MYRIP: variants seen among roughly 807,000 people sequenced by gnomAD.
MYRIP encodes the protein rab effector MyRIP.
A neutral mutation model predicts 98.0 loss-of-function variants in MYRIP; 49 were observed. That is an observed-to-expected ratio of 0.50 (90% CI 0.40 to 0.63). MYRIP has a LOEUF of 0.63. Among genes scored for constraint, MYRIP ranks in the 30% least tolerant of loss-of-function variants. The probability of loss-of-function intolerance (pLI) is 0.00; values close to 1 mark genes in which losing one functional copy is unlikely to be tolerated. For synonymous variants in MYRIP, 404 were observed against 409.5 expected, an observed-to-expected ratio of 0.99 and a Z score of 0.16; for missense variants, 1,004 against 1,058.2, an observed-to-expected ratio of 0.95 and a Z score of 0.71.
At chr3:40,190,813 T>C (rs1191363690) in intron 10 of MYRIP, among the ~76,000 whole-genome samples, 1 of 152,184 alleles carries the variant, frequency 6.6e-6, no homozygotes, top group Non-Finnish European at 1.5e-5. Flanking sequence ...GTGATTCTAC[T>C]GTGCACTCAA....
chr3:39,880,179 G>A (rs1176686772), intron 1 of MYRIP, among the ~76,000 whole-genome samples: 1 of 152,048 alleles, frequency 6.6e-6, no homozygotes, highest in African/African-American at 2.4e-5. Flanking sequence ...TTATCATTAG[G>A]TATATTTCCT....
At chr3:39,969,014 A>G (rs1266388203) in intron 2 of MYRIP, among the ~76,000 whole-genome samples, 2 of 152,036 alleles carry the variant, frequency 1.3e-5, no homozygotes, top group South Asian at 2.1e-4. Context: ...GAAGTGTTTT[A>G]TAATTCTCAT....
intron 3 of MYRIP, among the ~76,000 whole-genome samples, chr3:40,119,308 A>G (rs894203966): frequency 1.6e-4 from 24 of 152,218 alleles, no homozygotes; most frequent in Admixed American, 1.4e-3. Flanking sequence ...TGTGGTTTTG[A>G]TTTGCATTTC....
chr3:40,231,217 C>A (rs140406929), intron 11 of MYRIP, among the ~76,000 whole-genome samples: 6 of 152,204 alleles, frequency 3.9e-5, no homozygotes, highest in Admixed American at 6.5e-5. Flanking sequence ...GAAGCTGTGG[C>A]GCTCTCCTCA....
At chr3:40,200,764 G>A (rs977197366) in intron 10 of MYRIP, among the ~76,000 whole-genome samples, 19 of 152,134 alleles carry the variant, frequency 1.2e-4, no homozygotes, top group Non-Finnish European at 7.3e-5. Context: ...GGGGTCTAGA[G>A]CACACTCAGT....
chr3:40,147,351 C>T (rs1473499583), intron 3 of MYRIP, among the ~76,000 whole-genome samples: 2 of 152,128 alleles, frequency 1.3e-5, no homozygotes, highest in Non-Finnish European at 2.9e-5. Context: ...CTGAACTACC[C>T]TCATCATTCC....
chr3:39,874,989 T>A (rs888602403), intron 1 of MYRIP, among the ~76,000 whole-genome samples: 1 of 152,162 alleles, frequency 6.6e-6, no homozygotes, highest in African/African-American at 2.4e-5. Context: ...TTTTGGTTGG[T>A]AAGCTATTGA....
At chr3:39,956,192 C>T (rs149532549) in intron 2 of MYRIP, among the ~76,000 whole-genome samples, 1,689 of 152,230 alleles carry the variant, frequency 0.011, 43 homozygotes, top group African/African-American at 0.036. Flanking sequence ...TAGACATCTG[C>T]GGAACTCTCC....
chr3:40,199,299 A>G (rs893270850), intron 10 of MYRIP, among the ~76,000 whole-genome samples: 1 of 152,114 alleles, frequency 6.6e-6, no homozygotes, highest in Non-Finnish European at 1.5e-5. Flanking sequence ...ATGTTGGCCA[A>G]TCCTTCACAG....
chr3:39,830,945 C>A (rs77955631), intron 1 of MYRIP, among the ~76,000 whole-genome samples: 6 of 152,148 alleles, frequency 3.9e-5, no homozygotes, highest in African/African-American at 1.4e-4. Flanking sequence ...TCAACTTCAC[C>A]GGAAACTTTC....
intron 2 of MYRIP, among the ~76,000 whole-genome samples, chr3:39,966,828 G>T (rs1575420959): frequency 1.3e-5 from 2 of 152,320 alleles, no homozygotes; most frequent in African/African-American, 2.4e-5. Flanking sequence ...ACCTGCCAGG[G>T]TTTCCAAATG....
chr3:39,866,418 A>G (rs550109639), intron 1 of MYRIP, among the ~76,000 whole-genome samples: 4 of 152,340 alleles, frequency 2.6e-5, no homozygotes, highest in South Asian at 4.1e-4. Flanking sequence ...TCTATATCAT[A>G]ACAAAACTAC....
intron 3 of MYRIP, among the ~76,000 whole-genome samples, chr3:40,075,911 C>T (rs2125863748): frequency 6.6e-6 from 1 of 152,268 alleles, no homozygotes; most frequent in Non-Finnish European, 1.5e-5. Flanking sequence ...GACAAAGAAA[C>T]CCCAAAGGCT....
chr3:40,073,122 G>A (rs1011671853), intron 3 of MYRIP, among the ~76,000 whole-genome samples: 1 of 152,158 alleles, frequency 6.6e-6, no homozygotes, highest in Non-Finnish European at 1.5e-5. Flanking sequence ...TGAAGGAGAA[G>A]CTAAAATTAT....
Position 40,032,766 on chromosome 3 carries a change from C to A in MYRIP, c.111-11284C>A, listed in dbSNP as rs551451528. ...TACCAAACCCGGGCAGAGACACAAC[C>A]AAAAAAGAATTTTAGACCAATATCC... On this transcript the variant is annotated intron_variant, in intron 2 of 16. Coordinates refer to ENST00000302541, the MANE Select transcript of MYRIP (RefSeq NM_015460.4). 3.4e-3 allele frequency among the ~76,000 whole-genome samples: 515 copies of A among 151,796 alleles called. 5 individuals are homozygous for A. Among genetic ancestry groups the A allele is most frequent in the African/African-American group, 0.012 (495 of 41,438 alleles).
At chr3:39,976,303 A>G (rs1945749284) in intron 2 of MYRIP, among the ~76,000 whole-genome samples, 1 of 152,248 alleles carries the variant, frequency 6.6e-6, no homozygotes, top group Non-Finnish European at 1.5e-5. Flanking sequence ...AATGCTCATC[A>G]TCACTGGCCA....
intron 11 of MYRIP, among the ~76,000 whole-genome samples, chr3:40,221,036 A>C (rs1235229796): frequency 8.0e-6 from 1 of 125,420 alleles, no homozygotes; most frequent in Non-Finnish European, 1.7e-5. Context: ...AAAGCAGGCA[A>C]GTCACCAAAA....
chr3:40,059,332 G>A (rs1947953019), intron 3 of MYRIP, among the ~76,000 whole-genome samples: 1 of 152,102 alleles, frequency 6.6e-6, no homozygotes, highest in African/African-American at 2.4e-5. Context: ...GGTATTTCTG[G>A]TTCTAGATCC....
At chr3:39,902,420 T>C (rs996293596) in intron 2 of MYRIP, among the ~76,000 whole-genome samples, 2 of 152,204 alleles carry the variant, frequency 1.3e-5, no homozygotes, top group Admixed American at 6.5e-5. Flanking sequence ...GACCAGTTTC[T>C]ACATGGTAGT....
Sources: allele counts gnomAD v4.1 joint callset (sites outside exome capture counted in the v4.1 genomes callset), GRCh38; gene constraint gnomAD v4.1.1; transcripts MANE v1.5; gene names NCBI Gene and HGNC (gene_info 2026-07-23, HGNC 2026-07-21).